The following ZNFX1 variants were observed in gnomAD, a reference collection of about 807,000 sequenced individuals.
The protein encoded by ZNFX1 is NFX1-type zinc finger-containing protein 1.
Under a neutral mutation model 179.8 loss-of-function variants are expected in ZNFX1, and 78 were observed. The ratio of observed to expected loss-of-function variants is 0.43; its 90% CI spans 0.36 to 0.52. The LOEUF (loss-of-function observed/expected upper bound fraction) is 0.52, where lower values mean the gene tolerates loss of function less well. Among genes scored for constraint, ZNFX1 ranks in the 20% least tolerant of loss-of-function variants. ZNFX1 has a pLI of 0.00. For missense variants in ZNFX1, 1,927 were observed against 2,386.6 expected (o/e 0.81, Z 4.01); for synonymous variants, 848 against 868.5 (o/e 0.98, Z 0.42).
Position 49,271,535 on chromosome 20 carries a change from T to C in ZNFX1, c.277A>G (p.Arg93Gly). The change falls in exon 3 of 14, where the codon AGA (arginine) becomes GGA (glycine). Residue 93 changes from arginine (R) to glycine (G), a missense_variant. Coordinates refer to ENST00000396105, the MANE Select transcript of ZNFX1 (RefSeq NM_021035.3). ...NQEGHASDEA[R>G]DQRHDQENDT... ...TTCTCCTGGTCATGTCTTTGGTCTCTAGCTTCGTCGCTGGCATGCCCCTCC... is the reference window on the plus strand; with the variant it reads ...TTCTCCTGGTCATGTCTTTGGTCTCCAGCTTCGTCGCTGGCATGCCCCTCC... The C allele has an allele frequency of 6.2e-7, 1 of 1,614,178 alleles. No individual in the cohort carries two copies. The highest frequency in any genetic ancestry group is 2.2e-5 in the East Asian group (1 of 44,878).
intron 1 of ZNFX1, among the ~76,000 whole-genome samples, chr20:49,276,848 C>A (rs1364038664): frequency 2.0e-5 from 3 of 152,190 alleles, no homozygotes; most frequent in African/African-American, 7.2e-5. Flanking sequence ...TCTGGTGAGT[C>A]CCCTCCCTCA....
At position 49,276,572 on chromosome 20, in the gene ZNFX1, C is replaced by T. The variant is rs188754094; in HGVS notation, c.-48-685G>A. On this transcript the variant is annotated intron_variant, in intron 1 of 13. Coordinates refer to ENST00000396105, the MANE Select transcript of ZNFX1 (RefSeq NM_021035.3). ...TCTTTCTTCCTCCTCATTCTTCTACCTTGGTGATTTTTGACACTGGTCCTG... is the reference window on the plus strand; with the variant it reads ...TCTTTCTTCCTCCTCATTCTTCTACTTTGGTGATTTTTGACACTGGTCCTG... Among the ~76,000 whole-genome samples, 553 of 152,266 alleles carry T rather than the reference C, an allele frequency of 3.6e-3. 3 individuals are homozygous for T. The highest frequency in any genetic ancestry group is 0.013 in the African/African-American group (532 of 41,538).
In ZNFX1 at chr20:49,275,814, T is replaced by G; in HGVS notation, c.26A>C (p.Asp9Ala). 1 of 1,614,180 alleles carries G rather than the reference T, an allele frequency of 6.2e-7. No homozygotes were observed. The highest frequency in any genetic ancestry group is 1.1e-5 in the South Asian group (1 of 91,084). Residue 9 changes from aspartate (D) to alanine (A), a missense_variant, in exon 2 of 14, where the codon GAT becomes GCT. By Grantham distance (126) the Asp-to-Ala change is moderately radical. Transcript: ENST00000396105. Reference sequence around the variant, plus strand: ...GGTATGGGAATTCCTGGGCCTGGCATCCAGATGAGGTCTTCTCTCCTCCAT... The same window carrying G: ...GGTATGGGAATTCCTGGGCCTGGCAGCCAGATGAGGTCTTCTCTCCTCCAT... The part of the protein sequence containing the change: MEERRPHL[D>A]ARPRNSHTNH...
chr20:49,265,003 G>T, intron 4 of ZNFX1, 139 bp from the exon 5 acceptor site: 1 of 1,102,296 alleles, frequency 9.1e-7, no homozygotes, highest in Non-Finnish European at 1.3e-6. Context: ...CCCCATTAAT[G>T]AGTGAGAAGG....
At chr20:49,262,174 G>A (rs1981129750) in intron 6 of ZNFX1, among the ~76,000 whole-genome samples, 1 of 151,698 alleles carries the variant, frequency 6.6e-6, no homozygotes, top group Non-Finnish European at 1.5e-5. Flanking sequence ...CAGCACTTTG[G>A]AGAGCCGAGG....
Position 49,248,104 on chromosome 20 carries a change from T to C in ZNFX1, c.4920A>G (p.Leu1640=), listed in dbSNP as rs1288114393. The C allele has an allele frequency of 1.2e-6, 2 of 1,614,086 alleles. No individual in the cohort carries two copies. The highest frequency in any genetic ancestry group is 1.3e-5 in the African/African-American group (1 of 74,932). ...LRYGTSIKQR[L]EEIEIIKEKI... ...TTTCCTTGATGATTTCAATCTCTTCTAGCCGCTGTTTTATGCTAGTTCCAT... is the reference window on the plus strand; with the variant it reads ...TTTCCTTGATGATTTCAATCTCTTCCAGCCGCTGTTTTATGCTAGTTCCAT... Residue 1640 remains leucine, a synonymous_variant, in exon 14 of 14, where the codon CTA becomes CTG. Transcript: ENST00000396105. This position sits in a 1 kb window ranked among gnomAD's most constrained non-coding sequence, Gnocchi z 4.6.
rs1285486719 is a variant in ZNFX1, at chr20:49,254,572, T to G, written c.2882A>C (p.Glu961Ala). 6.2e-7 allele frequency: 1 copy of G among 1,614,202 alleles called. No individual in the cohort carries two copies. The highest frequency in any genetic ancestry group is 2.2e-5 in the East Asian group (1 of 44,890). Reference sequence around the variant, plus strand: ...CTGGAGTCTCAGCTCGGCCATTCTTTCTGCTGATGTGCGGTACTGGCGTTC... The same window carrying G: ...CTGGAGTCTCAGCTCGGCCATTCTTGCTGCTGATGTGCGGTACTGGCGTTC... ...SYERQYRTSA[E>A]RMAELRLQED... is the part of the protein sequence containing the mutation. The change falls in exon 10 of 14, where the codon GAA becomes GCA. Residue 961 changes from glutamate to alanine, a missense_variant. Coordinates refer to ENST00000396105, the MANE Select transcript of ZNFX1 (RefSeq NM_021035.3).
rs1980924227 is a variant in ZNFX1, at chr20:49,254,616, G to A, written c.2838C>T (p.Arg946=). The change falls in exon 10 of 14, where the codon CGC becomes CGT. Residue 946 remains arginine, a synonymous_variant. Transcript: ENST00000396105. Reference sequence around the variant, plus strand: ...GGCGTTCATAGCTGAGGATCTTCCGGCGGGTGTCAGCCTGGTACAACTGTA... The same window carrying A: ...GGCGTTCATAGCTGAGGATCTTCCGACGGGTGTCAGCCTGGTACAACTGTA... ...LWLQLYQADT[R]RKILSYERQY... 1 of 1,613,998 alleles carries A rather than the reference G, an allele frequency of 6.2e-7. No homozygotes were observed. Among genetic ancestry groups the A allele is most frequent in the Admixed American group, 1.7e-5 (1 of 60,010 alleles).
rs764710934 is a variant in ZNFX1 at position 49,263,453 on chromosome 20, C to G, written c.2182G>C (p.Glu728Gln). Residue 728 changes from glutamate (E) to glutamine (Q), a missense_variant, in exon 6 of 14, where the codon GAG (glutamate) becomes CAG (glutamine). By Grantham distance (29) the Glu-to-Gln change is conservative. Transcript: ENST00000396105. ...IMTQMKESEQ[E>Q]LHEGAKTLEC... The stretch of plus-strand genomic sequence containing the variant: ...AGGGTCTTGGCTCCTTCATGAAGCT[C>G]TTGCTCTGACTCCTTCATCTGTGTC... 5.0e-6 allele frequency: 8 copies of G among 1,597,522 alleles called. No individual in the cohort carries two copies. The highest frequency in any genetic ancestry group is 1.1e-5 in the South Asian group (1 of 88,946).
In ZNFX1 at chr20:49,259,895, G is replaced by A. The variant is rs1450672371; in HGVS notation, c.2416+568C>T. Among the ~76,000 whole-genome samples, 7 of 152,254 alleles carry A rather than the reference G, an allele frequency of 4.6e-5. No individual in the cohort carries two copies. In the East Asian group the frequency reaches 9.6e-4, roughly 21 times the overall value. ...ACATTTGAGTTCTTTCTGATTTTCT[G>A]CTATGATAAAGTGGTTATGTAAATT... On this transcript the variant is annotated intron_variant, in intron 7 of 13. Transcript: ENST00000396105.
chr20:49,261,255 C>A (rs375382837), intron 6 of ZNFX1, among the ~76,000 whole-genome samples: 15 of 152,166 alleles, frequency 9.9e-5, no homozygotes, highest in African/African-American at 2.9e-4. Flanking sequence ...AAAGTAATTC[C>A]CTTAAAGTTT....
chr20:49,273,331 AC>A (rs1043177942), intron 2 of ZNFX1, among the ~76,000 whole-genome samples: 6 of 151,918 alleles, frequency 3.9e-5, no homozygotes, highest in African/African-American at 1.2e-4. Context: ...ATGGGGTTTC[AC>A]CATGTTAGCC....
intron 11 of ZNFX1, 94 bp downstream of exon 11, chr20:49,253,572 G>T: frequency 6.8e-7 from 1 of 1,476,622 alleles, no homozygotes; most frequent in South Asian, 1.2e-5. Context: ...CTACTAATAA[G>T]CTTGAGGACT....
intron 10 of ZNFX1, among the ~76,000 whole-genome samples, chr20:49,254,287 A>T (rs1980914956): frequency 6.6e-6 from 1 of 152,196 alleles, no homozygotes; most frequent in East Asian, 1.9e-4. Flanking sequence ...TTGGCCTCCC[A>T]AAGTGTTGGG....
At chr20:49,258,993 T>C (rs935482857) in intron 7 of ZNFX1, among the ~76,000 whole-genome samples, 2 of 144,952 alleles carry the variant, frequency 1.4e-5, no homozygotes, top group East Asian at 2.1e-4. Flanking sequence ...TCCCAGCTAC[T>C]TGGGAAGCTG....
rs1052706676 is a variant in ZNFX1, at chr20:49,247,811, T to C, written c.5213A>G (p.His1738Arg). Reference sequence around the variant, plus strand: ...CAAGCGCTTCTTGGCCAGCCACTCATGGACCTGTTCTAGTCGAGTCCTCAC... The same window carrying C: ...CAAGCGCTTCTTGGCCAGCCACTCACGGACCTGTTCTAGTCGAGTCCTCAC... ...KRVRTRLEQV[H>R]EWLAKKRLSF... is the part of the protein sequence containing the mutation. The change falls in exon 14 of 14, where the codon CAT becomes CGT. Residue 1738 changes from histidine (H) to arginine (R), a missense_variant. Transcript: ENST00000396105. 5.0e-6 allele frequency: 8 copies of C among 1,614,208 alleles called. No individual in the cohort carries two copies. In the African/African-American group the frequency reaches 5.3e-5, roughly 11 times the overall value.
At chr20:49,253,630 G>C in intron 11 of ZNFX1, 36 bp downstream of exon 11, 2 of 1,612,624 alleles carry the variant, frequency 1.2e-6, no homozygotes, top group Non-Finnish European at 1.7e-6. Flanking sequence ...CCCCCACGGA[G>C]AGCCAGCCCA....
chr20:49,266,898 TTCTC>T (rs1278945262), intron 3 of ZNFX1, among the ~76,000 whole-genome samples: 2 of 152,238 alleles, frequency 1.3e-5, no homozygotes, highest in African/African-American at 2.4e-5. Flanking sequence ...AACTGCTAAA[TTCTC>T]TCTTTTTGTT....
In ZNFX1 at chr20:49,270,964, G is replaced by A. The variant is rs199961102; in HGVS notation, c.848C>T (p.Ser283Phe). ...CGTTTCCTCTTCTATGTCAACACCA[G>A]AGGCTCTCAGAGCATTAAGAGAGGT... ...LPTSLNALRA[S>F]GVDIEEETEK... is the part of the protein sequence containing the mutation. Residue 283 changes from serine to phenylalanine, a missense_variant, in exon 3 of 14, where the codon TCT becomes TTT. Physicochemically the swap from Ser to Phe is radical, Grantham distance 155 (BLOSUM62 -2). Transcript: ENST00000396105. This position sits in a 1 kb window ranked among gnomAD's most constrained non-coding sequence, Gnocchi z 4.6. The A allele has an allele frequency of 6.2e-7, 1 of 1,614,108 alleles. No individual in the cohort carries two copies. The highest frequency in any genetic ancestry group is 2.2e-5 in the East Asian group (1 of 44,882).
Sources: allele counts gnomAD v4.1 joint callset (sites outside exome capture counted in the v4.1 genomes callset), GRCh38; gene constraint gnomAD v4.1.1; non-coding constraint Gnocchi (gnomAD v3.1); transcripts MANE v1.5; gene names NCBI Gene and HGNC (gene_info 2026-07-23, HGNC 2026-07-21).